Variants in CNTNAP2 observed in about 807,000 individuals in gnomAD.
CNTNAP2 encodes contactin-associated protein-like 2.
A neutral mutation model predicts 155.2 loss-of-function variants in CNTNAP2; 98 were observed. The observed-to-expected ratio is 0.63, with a 90% CI of 0.54 to 0.75. The LOEUF (loss-of-function observed/expected upper bound fraction) is 0.75. Ranked by LOEUF, CNTNAP2 falls within the 30% of genes least tolerant of loss-of-function variation. CNTNAP2 has a pLI of 0.00. For missense variants in CNTNAP2, 1,727 were observed against 1,688.1 expected, an observed-to-expected ratio of 1.02 and a Z score of -0.40; for synonymous variants, 651 against 631.2, an observed-to-expected ratio of 1.03 and a Z score of -0.47.
intron 8 of CNTNAP2, among the ~76,000 whole-genome samples, chr7:147,281,301 A>T (rs1805028074): frequency 6.6e-6 from 1 of 151,910 alleles, no homozygotes; most frequent in South Asian, 2.1e-4. Flanking sequence ...CTCCCTTGAA[A>T]TAGGTAAATT....
At position 147,273,474 on chromosome 7, in the gene CNTNAP2, T is replaced by C. The variant is rs961656322; in HGVS notation, c.1349-26667T>C. On this transcript the variant is annotated intron_variant, in intron 8 of 23. Coordinates refer to ENST00000361727, the MANE Select transcript of CNTNAP2 (RefSeq NM_014141.6). ...CACCCATCACCCGAATAGTGATCAT[T>C]GTATCCAACAGTAATTTTTCAACCT... Among the ~76,000 whole-genome samples the C allele has an allele frequency of 2.6e-5, 4 of 152,148 alleles. No homozygotes were observed. In the East Asian group the frequency reaches 7.7e-4, roughly 29 times the overall value.
chr7:147,060,655 A>G lies in CNTNAP2; in HGVS notation c.550+16601A>G, dbSNP rs567725243. Among the ~76,000 whole-genome samples the G allele has an allele frequency of 7.9e-5, 12 of 152,228 alleles. No individual in the cohort carries two copies. The East Asian group carries it at 2.3e-3, about 30-fold the overall frequency. On this transcript the variant is annotated intron_variant, in intron 4 of 23. Coordinates refer to ENST00000361727, the MANE Select transcript of CNTNAP2 (RefSeq NM_014141.6). ...GAGGCGGGCGGATCACGAGGTCAGG[A>G]GATAGAGACCATCTGGCTAACACGG...
At chr7:146,623,017 A>G (rs1402525833) in intron 1 of CNTNAP2, among the ~76,000 whole-genome samples, 1 of 152,016 alleles carries the variant, frequency 6.6e-6, no homozygotes, top group African/African-American at 2.4e-5. Context: ...CATTGCCATC[A>G]ATTTAATTAC....
At chr7:147,238,684 T>G (rs1360699136) in intron 8 of CNTNAP2, among the ~76,000 whole-genome samples, 1 of 152,234 alleles carries the variant, frequency 6.6e-6, no homozygotes, top group Non-Finnish European at 1.5e-5. Context: ...GCTTGAGATC[T>G]AGTCCTACTT....
At chr7:147,260,361 T>G (rs559734013) in intron 8 of CNTNAP2, among the ~76,000 whole-genome samples, 1 of 152,190 alleles carries the variant, frequency 6.6e-6, no homozygotes, top group Non-Finnish European at 1.5e-5. Flanking sequence ...TAAAAGTCCA[T>G]AATATAAAAT....
chr7:147,544,799 A>T (rs1799702329), intron 11 of CNTNAP2, among the ~76,000 whole-genome samples: 1 of 151,996 alleles, frequency 6.6e-6, no homozygotes, highest in African/African-American at 2.4e-5. Flanking sequence ...GTCTCACGAG[A>T]TCTGATGGTT....
At chr7:147,943,939 G>A (rs1030868394) in intron 14 of CNTNAP2, among the ~76,000 whole-genome samples, 9 of 152,016 alleles carry the variant, frequency 5.9e-5, no homozygotes, top group African/African-American at 2.2e-4. Flanking sequence ...AGTTCAATAA[G>A]TGGAAGGTAC....
intron 18 of CNTNAP2, among the ~76,000 whole-genome samples, chr7:148,208,504 G>A (rs560456742): frequency 2.0e-5 from 3 of 152,232 alleles, no homozygotes; most frequent in East Asian, 3.9e-4. Context: ...AGGATACACG[G>A]AGGAAAAAGA....
chr7:148,053,929 T>C (rs1802955560), intron 15 of CNTNAP2, among the ~76,000 whole-genome samples: 1 of 151,284 alleles, frequency 6.6e-6, no homozygotes, highest in African/African-American at 2.4e-5. Flanking sequence ...GGCTGAGAGC[T>C]ACAAGCCAAA....
intron 21 of CNTNAP2, among the ~76,000 whole-genome samples, chr7:148,296,368 CG>C (rs1797284282): frequency 6.6e-6 from 1 of 151,394 alleles, no homozygotes; most frequent in Admixed American, 6.6e-5. Flanking sequence ...AGACCCCCCC[CG>C]CCCACCATCT....
intron 1 of CNTNAP2, among the ~76,000 whole-genome samples, chr7:146,326,993 G>C (rs1031395753): frequency 6.6e-6 from 1 of 152,030 alleles, no homozygotes; most frequent in Non-Finnish European, 1.5e-5. Flanking sequence ...TATAAAAATG[G>C]AACTATTGCC....
intron 21 of CNTNAP2, among the ~76,000 whole-genome samples, chr7:148,306,312 C>T (rs930159525): frequency 6.6e-6 from 1 of 152,118 alleles, no homozygotes; most frequent in Admixed American, 6.5e-5. Context: ...TTGACTCTTT[C>T]TGTTGGAACA....
At chr7:146,172,558 T>A (rs538775819) in intron 1 of CNTNAP2, among the ~76,000 whole-genome samples, 49 of 152,256 alleles carry the variant, frequency 3.2e-4, no homozygotes, top group East Asian at 1.7e-3. Context: ...ATTTCTCAGA[T>A]TAATGATTCT....
chr7:146,358,324 T>G (rs943281321), intron 1 of CNTNAP2, among the ~76,000 whole-genome samples: 3 of 152,110 alleles, frequency 2.0e-5, no homozygotes, highest in African/African-American at 7.2e-5. Flanking sequence ...GTGAGCCACC[T>G]CGCCTGGCCT....
intron 8 of CNTNAP2, among the ~76,000 whole-genome samples, chr7:147,153,997 G>T (rs914618315): frequency 7.2e-5 from 11 of 151,986 alleles, no homozygotes; most frequent in Admixed American, 1.3e-4. Context: ...GTCAAGGATT[G>T]CTCTTTCAAG....
At chr7:146,771,037 T>C (rs1802285474) in intron 1 of CNTNAP2, among the ~76,000 whole-genome samples, 1 of 152,108 alleles carries the variant, frequency 6.6e-6, no homozygotes, top group East Asian at 1.9e-4. Context: ...ATATTTCTAC[T>C]CAAATGCTAC....
chr7:147,060,805 A>T (rs1055178532), intron 4 of CNTNAP2, among the ~76,000 whole-genome samples: 26 of 152,110 alleles, frequency 1.7e-4, no homozygotes, highest in African/African-American at 5.8e-4. Flanking sequence ...CGGAGCTTGC[A>T]GTGAGCCGAG....
intron 1 of CNTNAP2, among the ~76,000 whole-genome samples, chr7:146,750,471 C>A (rs950943958): frequency 6.6e-6 from 1 of 152,194 alleles, no homozygotes; most frequent in Non-Finnish European, 1.5e-5. Context: ...TGATTTTGAT[C>A]CCATGATTCA....
chr7:148,228,306 T>C (rs1795893503), intron 19 of CNTNAP2, among the ~76,000 whole-genome samples: 1 of 152,062 alleles, frequency 6.6e-6, no homozygotes, highest in Non-Finnish European at 1.5e-5. Flanking sequence ...AGGATCTACA[T>C]TGTCATATTA....
Sources: gnomAD v4.1 joint callset for allele counts (sites outside exome capture counted in the v4.1 genomes callset) on GRCh38, gnomAD v4.1.1 for gene constraint, MANE v1.5 for transcripts, NCBI Gene and HGNC (gene_info 2026-07-23, HGNC 2026-07-21) for gene names.